MAP7: variants seen among roughly 807,000 people sequenced by gnomAD.
MAP7 encodes the protein microtubule associated protein 7, also known as ensconsin.
Under a neutral mutation model 94.8 loss-of-function variants are expected in MAP7, and 52 were observed. The ratio of observed to expected loss-of-function variants is 0.55; its 90% CI spans 0.44 to 0.69. The LOEUF (loss-of-function observed/expected upper bound fraction) is 0.69. Ranked by LOEUF, MAP7 falls within the 30% of genes least tolerant of loss-of-function variation. The pLI is 0.00. For missense variants in MAP7, 940 were observed against 964.6 expected (o/e 0.97, Z 0.34); for synonymous variants, 350 against 357.0 (o/e 0.98, Z 0.22).
At chr6:136,518,579 A>C (rs1207100644) in intron 1 of MAP7, among the ~76,000 whole-genome samples, 1 of 152,216 alleles carries the variant, frequency 6.6e-6, no homozygotes, top group African/African-American at 2.4e-5. Flanking sequence ...AAGGTGCAAC[A>C]TAAAGTGGGC....
At chr6:136,394,226 A>G (rs1781646335) in intron 3 of MAP7, among the ~76,000 whole-genome samples, 1 of 151,712 alleles carries the variant, frequency 6.6e-6, no homozygotes, top group South Asian at 2.1e-4. Context: ...CTCGTGATCC[A>G]CCCACCTCGG....
intron 1 of MAP7, among the ~76,000 whole-genome samples, chr6:136,437,266 G>A (rs1796623482): frequency 6.6e-6 from 1 of 152,170 alleles, no homozygotes; most frequent in African/African-American, 2.4e-5. Context: ...ATCTCAGCCA[G>A]CCCAGGAGGC....
At chr6:136,454,578 A>G (rs960341804) in intron 1 of MAP7, among the ~76,000 whole-genome samples, 4 of 151,142 alleles carry the variant, frequency 2.6e-5, no homozygotes, top group Non-Finnish European at 5.9e-5. Flanking sequence ...GATTTCAGGC[A>G]TGAGCCACCG....
intron 17 of MAP7, 70 bp downstream of exon 17, chr6:136,345,786 C>T: frequency 8.4e-7 from 1 of 1,191,226 alleles, no homozygotes; most frequent in Non-Finnish European, 1.3e-6. Flanking sequence ...CTGTAGAAGG[C>T]AGCAGTTCGT....
At chr6:136,545,230 G>A (rs1051069501) in intron 1 of MAP7, 3 of 151,586 alleles carry the variant, frequency 2.0e-5, no homozygotes, top group Non-Finnish European at 4.4e-5. Context: ...GCCCTTCATT[G>A]ATCTCCAGAG....
intron 1 of MAP7, among the ~76,000 whole-genome samples, chr6:136,539,114 A>C (rs1006894159): frequency 2.6e-5 from 4 of 152,232 alleles, no homozygotes; most frequent in African/African-American, 9.6e-5. Context: ...ATCGTTTCAC[A>C]GTAATGCAAT....
intron 1 of MAP7, among the ~76,000 whole-genome samples, chr6:136,436,109 A>G (rs995053318): frequency 3.9e-5 from 6 of 152,334 alleles, no homozygotes; most frequent in Non-Finnish European, 8.8e-5. Context: ...GCAAATAGGC[A>G]TAAGGAAAGG....
At chr6:136,440,245 A>C (rs947686941) in intron 1 of MAP7, among the ~76,000 whole-genome samples, 4 of 152,226 alleles carry the variant, frequency 2.6e-5, no homozygotes, top group Non-Finnish European at 5.9e-5. Flanking sequence ...AAAGATAATC[A>C]TACTGAGGTT....
intron 1 of MAP7, among the ~76,000 whole-genome samples, chr6:136,479,242 C>A (rs1811991730): frequency 6.6e-6 from 1 of 151,836 alleles, no homozygotes; most frequent in South Asian, 2.1e-4. Context: ...TACATCATAT[C>A]AACAAAATAA....
Position 136,362,513 on chromosome 6 carries a change from C to A in MAP7, c.1463G>T (p.Arg488Leu), listed in dbSNP as rs143028749. 1.9e-6 allele frequency: 3 copies of A among 1,614,046 alleles called. No homozygotes were observed. The highest frequency in any genetic ancestry group is 2.5e-6 in the Non-Finnish European group (3 of 1,180,024). Residue 488 changes from arginine (R) to leucine (L), a missense_variant, in exon 11 of 18, where the codon CGG (arginine) becomes CTG (leucine). Coordinates refer to ENST00000354570, the MANE Select transcript of MAP7 (RefSeq NM_003980.6). ...EATRLLAEKR[R>L]LAREQREKEE... Reference sequence around the variant, plus strand: ...CTTTTCTCTCTGCTCTCGGGCCAGCCGCCTCTTCTCAGCTAGAAGCCTTGT... The same window carrying A: ...CTTTTCTCTCTGCTCTCGGGCCAGCAGCCTCTTCTCAGCTAGAAGCCTTGT...
At chr6:136,530,144 T>G (rs1164730200) in intron 1 of MAP7, among the ~76,000 whole-genome samples, 1 of 152,126 alleles carries the variant, frequency 6.6e-6, no homozygotes, top group Non-Finnish European at 1.5e-5. Flanking sequence ...TACCTAAAAT[T>G]TCCCTTTCTA....
intron 1 of MAP7, among the ~76,000 whole-genome samples, chr6:136,521,499 G>C (rs748597748): frequency 1.1e-4 from 17 of 152,272 alleles, no homozygotes; most frequent in South Asian, 2.1e-4. Context: ...AGCAAATTTA[G>C]TATTAGATCT....
At chr6:136,441,542 A>G (rs1477883464) in intron 1 of MAP7, among the ~76,000 whole-genome samples, 1 of 152,170 alleles carries the variant, frequency 6.6e-6, no homozygotes, top group Non-Finnish European at 1.5e-5. Context: ...GCATATAGGT[A>G]GCTATTCTTC....
At chr6:136,512,125 A>C (rs541314228) in intron 1 of MAP7, among the ~76,000 whole-genome samples, 1 of 152,244 alleles carries the variant, frequency 6.6e-6, no homozygotes, top group Admixed American at 6.5e-5. Context: ...GCTAGATTCA[A>C]AACAAAGTCC....
chr6:136,359,838 C>G lies in MAP7; in HGVS notation c.1894G>C (p.Ala632Pro). The change falls in exon 15 of 18, where the codon GCT (alanine) becomes CCT (proline). Residue 632 changes from alanine to proline, a missense_variant. Transcript: ENST00000354570. ...GAAATACCTGTTCCTCCAGTGAGAG[C>G]TCCCTTGGCTATATCACCGTTTCTC... The part of the protein sequence containing the change: ...DQRNGDIAKG[A>P]LTGGTEVSAL... 6.2e-7 allele frequency: 1 copy of G among 1,612,922 alleles called. No individual in the cohort carries two copies. The highest frequency in any genetic ancestry group is 8.5e-7 in the Non-Finnish European group (1 of 1,179,882).
chr6:136,488,167 A>G (rs1024021611), intron 1 of MAP7, among the ~76,000 whole-genome samples: 3 of 152,202 alleles, frequency 2.0e-5, no homozygotes, highest in Non-Finnish European at 4.4e-5. Flanking sequence ...GGGAAAAACC[A>G]TATGCTAAGT....
At chr6:136,376,622 A>G (rs1385280578) in intron 7 of MAP7, among the ~76,000 whole-genome samples, 3 of 152,226 alleles carry the variant, frequency 2.0e-5, no homozygotes, top group Non-Finnish European at 4.4e-5. Context: ...CACATAAAGC[A>G]TCATTCAGGG....
At chr6:136,425,644 G>A (rs115689839) in intron 1 of MAP7, among the ~76,000 whole-genome samples, 156 of 152,004 alleles carry the variant, frequency 1.0e-3, no homozygotes, top group African/African-American at 3.6e-3. Flanking sequence ...TCGAATCATA[G>A]GTATGAAGTG....
rs191990160 is a variant in MAP7 at position 136,466,448 on chromosome 6, A to G, written c.68-44649T>C. On this transcript the variant is annotated intron_variant, in intron 1 of 17. Transcript: ENST00000354570. ...CACTTTGTTTTTGTCAAAAAAAGAA[A>G]GAAGTATGGAAAATAGAGAATGATG... Among the ~76,000 whole-genome samples the G allele has an allele frequency of 5.1e-4, 77 of 152,268 alleles. No homozygotes were observed. The East Asian group carries it at 0.013, about 26-fold the overall frequency.
Sources: allele counts gnomAD v4.1 joint callset (sites outside exome capture counted in the v4.1 genomes callset), GRCh38; gene constraint gnomAD v4.1.1; transcripts MANE v1.5; gene names NCBI Gene and HGNC (gene_info 2026-07-23, HGNC 2026-07-21).